The following MYO9B variants were observed in gnomAD, a reference collection of about 807,000 sequenced individuals.
The protein encoded by MYO9B is myosin IXB.
MYO9B carries 71 observed loss-of-function variants against 229.5 expected under a neutral mutation model. The ratio of observed to expected loss-of-function variants is 0.31; its 90% CI spans 0.26 to 0.38. The LOEUF is 0.38. MYO9B is among the 10% of genes least tolerant of loss of function. The probability of loss-of-function intolerance (pLI) is 1.00; values close to 1 mark genes in which losing one functional copy is unlikely to be tolerated. For missense variants in MYO9B, 2,255 were observed against 2,920.5 expected (o/e 0.77, Z 5.25); for synonymous variants, 1,185 against 1,235.8 (o/e 0.96, Z 0.86).
chr19:17,162,706 C>T (rs553495110), intron 9 of MYO9B, among the ~76,000 whole-genome samples: 1 of 152,124 alleles, frequency 6.6e-6, no homozygotes, highest in South Asian at 2.1e-4. Flanking sequence ...ACCTGTGGTC[C>T]CAGCTACTCA....
chr19:17,157,060 C>A, intron 7 of MYO9B, 22 bp downstream of exon 7: 1 of 1,608,146 alleles, frequency 6.2e-7, no homozygotes, highest in South Asian at 1.1e-5. Flanking sequence ...CACCTCTGTC[C>A]CTTCTCAGGC....
chr19:17,134,899 G>A (rs2072250246), intron 2 of MYO9B, among the ~76,000 whole-genome samples: 1 of 152,046 alleles, frequency 6.6e-6, no homozygotes, highest in Non-Finnish European at 1.5e-5. Flanking sequence ...AGGTAGTTGG[G>A]ATTACAGGCA....
chr19:17,172,951 G>A lies in MYO9B; in HGVS notation c.2128G>A (p.Glu710Lys), dbSNP rs572825412. 3.4e-5 allele frequency: 55 copies of A among 1,597,978 alleles called. 1 individual carries two copies. Among genetic ancestry groups the A allele is most frequent in the South Asian group, 1.1e-4 (10 of 91,004 alleles). Residue 710 changes from glutamate (E) to lysine (K), a missense_variant, in exon 13 of 40, where the codon GAA becomes AAA. Coordinates refer to ENST00000682292, the MANE Select transcript of MYO9B (RefSeq NM_004145.4). The surrounding 1 kb of genome is among the most constrained non-coding windows in gnomAD (Gnocchi z 8.2). Reference sequence around the variant, plus strand: ...CGGACGCCTGCGGGCCGAGAGGGCCGAAAAGGCTGCAGGTGGGAGCTGGGG... The same window carrying A: ...CGGACGCCTGCGGGCCGAGAGGGCCAAAAAGGCTGCAGGTGGGAGCTGGGG... ...EAGRLRAERA[E>K]KAAGMSSPGA...
Position 17,209,586 on chromosome 19 carries a change from G to A in MYO9B, c.5625G>A (p.Thr1875=). The A allele has an allele frequency of 6.3e-7, 1 of 1,588,350 alleles. No individual in the cohort carries two copies. The highest frequency in any genetic ancestry group is 1.8e-5 in the Admixed American group (1 of 55,186). ...TSMKDVLKIT[T]CVEMLIKEQM... ...TTCCTCCCGTGGGCCTTCTCTGTAG[G>A]TGCGTGGAGATGCTGATCAAGGAGC... Residue 1875 remains threonine (T), a splice_region_variant and synonymous_variant, in exon 36 of 40, where the codon ACG becomes ACA. Transcript: ENST00000682292.
At chr19:17,083,061 C>T (rs2057548893) in intron 1 of MYO9B, among the ~76,000 whole-genome samples, 2 of 120,788 alleles carry the variant, frequency 1.7e-5, no homozygotes, top group African/African-American at 3.2e-5. Context: ...GACAGGGTCT[C>T]ACTCTGTCAC....
chr19:17,108,493 A>G (rs1179119145), intron 2 of MYO9B, among the ~76,000 whole-genome samples: 2 of 151,840 alleles, frequency 1.3e-5, no homozygotes, highest in African/African-American at 4.8e-5. Context: ...AGCACTCCCC[A>G]CCCCGCAGGT....
chr19:17,201,032 A>C (rs2073101508), intron 26 of MYO9B, among the ~76,000 whole-genome samples: 1 of 152,230 alleles, frequency 6.6e-6, no homozygotes, highest in Non-Finnish European at 1.5e-5. Context: ...TGGGCCCAGC[A>C]GTTCAAAACC....
In MYO9B at chr19:17,212,698, T is replaced by A. The variant is rs908979105; in HGVS notation, c.*388T>A. The A allele has an allele frequency of 7.2e-5, 13 of 181,434 alleles. No homozygotes were observed. The highest frequency in any genetic ancestry group is 1.4e-4 in the Non-Finnish European group (12 of 87,762). 11.2% of individuals were successfully genotyped at this position (181,434 alleles called of 1,614,324 possible). A position where few individuals can be genotyped will look rare whatever the true frequency, so the allele number is the denominator to read the frequency against. ...TATGTACAAAGTTTTCTATTAACGCTGCCCGTCTCCCTTATAACCTGGACG... is the reference window on the plus strand; with the variant it reads ...TATGTACAAAGTTTTCTATTAACGCAGCCCGTCTCCCTTATAACCTGGACG... On this transcript the variant is annotated 3_prime_UTR_variant, in exon 40 of 40. Coordinates refer to ENST00000682292, the MANE Select transcript of MYO9B (RefSeq NM_004145.4). This position sits in a 1 kb window ranked among gnomAD's most constrained non-coding sequence, Gnocchi z 5.4.
At chr19:17,147,358 C>T (rs1385789695) in intron 3 of MYO9B, among the ~76,000 whole-genome samples, 7 of 152,006 alleles carry the variant, frequency 4.6e-5, no homozygotes, top group East Asian at 3.9e-4. Context: ...GCCTGTCCAA[C>T]GTGGTGAAAC....
At position 17,212,166 on chromosome 19, in the gene MYO9B, G is replaced by A. The variant is rs765312725; in HGVS notation, c.6330G>A (p.Val2110=). Reference sequence around the variant, plus strand: ...GCCGCCCGGACCAGATACATTCCGTGTACATCACGCCCGGGGCAGACCTGC... The same window carrying A: ...GCCGCCCGGACCAGATACATTCCGTATACATCACGCCCGGGGCAGACCTGC... ...PARRPDQIHS[V]YITPGADLPV... is the part of the protein sequence containing the mutation. The change falls in exon 40 of 40, where the codon GTG becomes GTA. Residue 2110 remains valine (V), a synonymous_variant. Coordinates refer to ENST00000682292, the MANE Select transcript of MYO9B (RefSeq NM_004145.4). The surrounding 1 kb of genome is among the most constrained non-coding windows in gnomAD (Gnocchi z 5.4). 2 of 1,584,204 alleles carry A rather than the reference G, an allele frequency of 1.3e-6. No individual in the cohort carries two copies. Among genetic ancestry groups the A allele is most frequent in the Non-Finnish European group, 8.6e-7 (1 of 1,166,532 alleles).
intron 6 of MYO9B, among the ~76,000 whole-genome samples, chr19:17,154,800 AAAAT>A (rs2072519928): frequency 6.6e-6 from 1 of 152,066 alleles, no homozygotes; most frequent in Non-Finnish European, 1.5e-5. Context: ...ATCTCTACAA[AAAAT>A]AAATAAAATT....
Position 17,194,807 on chromosome 19 carries a change from T to G in MYO9B, c.3380T>G (p.Leu1127Arg). 5 of 1,613,232 alleles carry G rather than the reference T, an allele frequency of 3.1e-6. No individual in the cohort carries two copies. Among genetic ancestry groups the G allele is most frequent in the Non-Finnish European group, 4.2e-6 (5 of 1,179,856 alleles). Reference protein sequence around the residue: ...EKEAPSPEKTLPPQKTVAAES... With the variant: ...EKEAPSPEKTRPPQKTVAAES... Reference sequence around the variant, plus strand: ...GAGGCCCCAAGCCCAGAGAAGACTCTCCCACCCCAGAAAACCGTGGCGGCT... The same window carrying G: ...GAGGCCCCAAGCCCAGAGAAGACTCGCCCACCCCAGAAAACCGTGGCGGCT... Residue 1127 changes from leucine (L) to arginine (R), a missense_variant, in exon 22 of 40, where the codon CTC (leucine) becomes CGC (arginine). By Grantham distance (102) the Leu-to-Arg change is moderately radical. Coordinates refer to ENST00000682292, the MANE Select transcript of MYO9B (RefSeq NM_004145.4).
At chr19:17,142,172 A>C (rs1362074220) in intron 2 of MYO9B, among the ~76,000 whole-genome samples, 2 of 151,572 alleles carry the variant, frequency 1.3e-5, no homozygotes, top group Admixed American at 6.6e-5. Context: ...CTTTTAAAAA[A>C]AAAAAAAGAA....
At chr19:17,159,694 G>T (rs1408100750) in intron 8 of MYO9B, among the ~76,000 whole-genome samples, 3 of 152,382 alleles carry the variant, frequency 2.0e-5, no homozygotes, top group East Asian at 3.9e-4. Context: ...TGAGCCACAT[G>T]CATTCAACTC....
At chr19:17,154,147 G>A (rs1360587964) in intron 5 of MYO9B, 81 bp downstream of exon 5, 14 of 1,451,564 alleles carry the variant, frequency 9.6e-6, no homozygotes, top group Admixed American at 3.4e-5. Flanking sequence ...GGAAGTCAGA[G>A]GCAGCCTGCC....
chr19:17,212,887 C>G lies in MYO9B; in HGVS notation c.*577C>G, dbSNP rs2073247467. On this transcript the variant is annotated 3_prime_UTR_variant, in exon 40 of 40. Coordinates refer to ENST00000682292, the MANE Select transcript of MYO9B (RefSeq NM_004145.4). This position sits in a 1 kb window ranked among gnomAD's most constrained non-coding sequence, Gnocchi z 5.4. The stretch of plus-strand genomic sequence containing the variant: ...GACACATGTCTCCGGGGGGCAGCCA[C>G]CTGGCCAATGTGCATTTTTGCACAT... 1 of 152,376 alleles carries G rather than the reference C, an allele frequency of 6.6e-6. No individual in the cohort carries two copies. The highest frequency in any genetic ancestry group is 1.5e-5 in the Non-Finnish European group (1 of 68,182). 9.4% of individuals were successfully genotyped at this position (152,376 alleles called of 1,614,324 possible).
intron 7 of MYO9B, among the ~76,000 whole-genome samples, chr19:17,158,108 A>G (rs1004937632): frequency 4.6e-5 from 7 of 152,132 alleles, no homozygotes; most frequent in African/African-American, 1.2e-4. Flanking sequence ...CAGCCCCCCA[A>G]TGGCAAAGAA....
intron 1 of MYO9B, among the ~76,000 whole-genome samples, chr19:17,090,688 C>T (rs973826496): frequency 2.0e-5 from 3 of 152,086 alleles, no homozygotes; most frequent in African/African-American, 4.8e-5. Context: ...ATTGTCTGTG[C>T]GTGGGATGGT....
chr19:17,112,420 G>C (rs2057856073), intron 2 of MYO9B, among the ~76,000 whole-genome samples: 1 of 152,336 alleles, frequency 6.6e-6, no homozygotes, highest in East Asian at 1.9e-4. Context: ...GCCAGAGGGA[G>C]GCTGGCTTCA....
Sources: allele counts gnomAD v4.1 joint callset (sites outside exome capture counted in the v4.1 genomes callset), GRCh38; gene constraint gnomAD v4.1.1; non-coding constraint Gnocchi (gnomAD v3.1); transcripts MANE v1.5; gene names NCBI Gene and HGNC (gene_info 2026-07-23, HGNC 2026-07-21).